Variants in NPAS3 observed in about 807,000 individuals in gnomAD.
The protein encoded by NPAS3 is neuronal PAS domain protein 3.
NPAS3 carries 14 observed loss-of-function variants against 73.1 expected under a neutral mutation model. That is an observed-to-expected ratio of 0.19 (90% confidence interval 0.13 to 0.30). NPAS3 has a LOEUF of 0.30. Ranked by LOEUF, NPAS3 falls within the 10% of genes least tolerant of loss-of-function variation. The pLI, the probability that NPAS3 is intolerant of heterozygous loss-of-function variation, is 1.00. For missense variants in NPAS3, 1,096 were observed against 1,250.0 expected (o/e 0.88, Z 1.86); for synonymous variants, 620 against 541.5 (o/e 1.14, Z -2.01).
At chr14:33,495,089 T>C (rs1347934480) in intron 4 of NPAS3, among the ~76,000 whole-genome samples, 2 of 152,158 alleles carry the variant, frequency 1.3e-5, no homozygotes, top group African/African-American at 4.8e-5. Flanking sequence ...TTTAGATCTT[T>C]CCTGCTTTGT....
chr14:33,525,935 A>G (rs561772743), intron 4 of NPAS3, among the ~76,000 whole-genome samples: 2 of 152,298 alleles, frequency 1.3e-5, no homozygotes, highest in South Asian at 4.1e-4. Context: ...AACCATGACA[A>G]AAATAAATGA....
chr14:33,196,658 A>G (rs1350423357), intron 2 of NPAS3, among the ~76,000 whole-genome samples: 4 of 152,214 alleles, frequency 2.6e-5, no homozygotes, highest in Non-Finnish European at 5.9e-5. Context: ...ACATAGAATA[A>G]AGAGACATTA....
rs186058721 is a variant in NPAS3, at chr14:33,566,308, C to T, written c.558+6098C>T. ...GACAGAGATAATCTCAGCAATCCCACGGGTGACCTTATCGTTCTCACCAGG... is the reference window on the plus strand; with the variant it reads ...GACAGAGATAATCTCAGCAATCCCATGGGTGACCTTATCGTTCTCACCAGG... On this transcript the variant is annotated intron_variant, in intron 5 of 11. Coordinates refer to ENST00000356141, the Ensembl canonical transcript of NPAS3. 1.3e-4 allele frequency among the ~76,000 whole-genome samples: 20 copies of T among 152,028 alleles called. 1 individual carries two copies. The East Asian group carries it at 2.9e-3, about 22-fold the overall frequency.
Position 33,127,488 on chromosome 14 carries a change from G to A in NPAS3, c.140+71494G>A, listed in dbSNP as rs532995481. 4.6e-5 allele frequency among the ~76,000 whole-genome samples: 7 copies of A among 152,238 alleles called. No homozygotes were observed. The South Asian group carries it at 1.2e-3, about 27-fold the overall frequency. ...CCAACTTGGCCACGCTGTGTCTCTT[G>A]TGTTAGTTTGGGCTGTGTCTCTACT... On this transcript the variant is annotated intron_variant, in intron 2 of 11. Coordinates refer to ENST00000356141, the Ensembl canonical transcript of NPAS3.
rs10567527 is a variant in NPAS3, at chr14:33,789,583, C to CTT, written c.1154-4292_1154-4291dup. On this transcript the variant is annotated intron_variant, in intron 9 of 11. Coordinates refer to ENST00000356141, the Ensembl canonical transcript of NPAS3. ...ACTAAAAGTAATTACTAGAGTACAA[C>CTT]TTTTTTTTTTTTTTTTTTTTTTTGA... Among the ~76,000 whole-genome samples, 500 of 92,376 alleles carry CTT rather than the reference C, an allele frequency of 5.4e-3. 7 individuals carry two copies. The highest frequency in any genetic ancestry group is 8.0e-3 in the East Asian group (21 of 2,632). The allele number at this position is 92,376 out of a possible 152,430, so 60.6% of individuals were successfully genotyped here.
chr14:33,778,478 T>C, exon 9 of NPAS3: 1 of 1,610,222 alleles, frequency 6.2e-7, no homozygotes, highest in Non-Finnish European at 8.5e-7. Context: ...TTAGTGATTA[T>C]ATGGATCTGA....
chr14:33,546,847 G>C (rs1432577180), intron 4 of NPAS3, among the ~76,000 whole-genome samples: 1 of 152,200 alleles, frequency 6.6e-6, no homozygotes, highest in Non-Finnish European at 1.5e-5. Flanking sequence ...TGAAATTAAG[G>C]ATGTTGATAA....
At chr14:33,674,812 T>C (rs2059712958) in intron 5 of NPAS3, among the ~76,000 whole-genome samples, 1 of 152,188 alleles carries the variant, frequency 6.6e-6, no homozygotes, top group South Asian at 2.1e-4. Context: ...CTATGTTAAC[T>C]GATAGATGTG....
intron 2 of NPAS3, among the ~76,000 whole-genome samples, chr14:33,060,897 T>C (rs1264007750): frequency 6.6e-6 from 1 of 152,230 alleles, no homozygotes; most frequent in Admixed American, 6.5e-5. Flanking sequence ...GAAAGTTTCT[T>C]TCTTCCTGAA....
intron 5 of NPAS3, among the ~76,000 whole-genome samples, chr14:33,633,509 A>G (rs1486620895): frequency 2.6e-5 from 4 of 152,210 alleles, no homozygotes; most frequent in Admixed American, 6.5e-5. Flanking sequence ...ATAGCCTACT[A>G]CACACCTAGC....
At chr14:33,200,295 G>C (rs1451527240) in intron 2 of NPAS3, among the ~76,000 whole-genome samples, 1 of 151,834 alleles carries the variant, frequency 6.6e-6, no homozygotes, top group Non-Finnish European at 1.5e-5. Context: ...TTTACTAATA[G>C]ACTAAGCCCC....
intron 1 of NPAS3, among the ~76,000 whole-genome samples, chr14:33,037,753 T>C (rs1290024671): frequency 1.3e-5 from 2 of 152,236 alleles, no homozygotes; most frequent in Non-Finnish European, 2.9e-5. Flanking sequence ...ATTGATGCTT[T>C]AGATCATTTG....
At chr14:33,009,358 C>T (rs2139631043) in intron 1 of NPAS3, among the ~76,000 whole-genome samples, 1 of 152,188 alleles carries the variant, frequency 6.6e-6, no homozygotes, top group East Asian at 1.9e-4. Flanking sequence ...GGGTCAGCTT[C>T]TTGAGAGAAT....
At chr14:33,552,911 A>G (rs535913249) in intron 4 of NPAS3, among the ~76,000 whole-genome samples, 16 of 152,346 alleles carry the variant, frequency 1.1e-4, no homozygotes, top group Non-Finnish European at 2.1e-4. Context: ...TCTACCGTTC[A>G]GTAATTTAAC....
At chr14:33,179,259 T>G (rs1397598212) in intron 2 of NPAS3, among the ~76,000 whole-genome samples, 1 of 152,198 alleles carries the variant, frequency 6.6e-6, no homozygotes, top group Non-Finnish European at 1.5e-5. Flanking sequence ...TTTGGATGCC[T>G]CCTTTGGCAA....
At chr14:33,375,479 G>A (rs888456787) in intron 4 of NPAS3, among the ~76,000 whole-genome samples, 11 of 152,072 alleles carry the variant, frequency 7.2e-5, no homozygotes, top group South Asian at 2.1e-4. Flanking sequence ...TGTGTTGCAC[G>A]GCTTTTAAGT....
intron 4 of NPAS3, among the ~76,000 whole-genome samples, chr14:33,386,828 G>A (rs949947152): frequency 6.6e-6 from 1 of 152,094 alleles, no homozygotes; most frequent in Non-Finnish European, 1.5e-5. Flanking sequence ...AATCAGGTGG[G>A]CGTCTTCATG....
rs115685582 is a variant in NPAS3, at chr14:33,467,571, T to C, written c.469-92550T>C. ...GAAAAGAGAAACATGAACGCATCTG[T>C]TTCCAGAATGTAGCTGCTTTGTATT... is the stretch of plus-strand genomic sequence containing the variant. On this transcript the variant is annotated intron_variant, in intron 4 of 11. Coordinates refer to ENST00000356141, the Ensembl canonical transcript of NPAS3. Among the ~76,000 whole-genome samples, 388 of 152,280 alleles carry C rather than the reference T, an allele frequency of 2.5e-3. 2 individuals carry two copies. Among genetic ancestry groups the C allele is most frequent in the African/African-American group, 9.0e-3 (374 of 41,562 alleles).
chr14:33,207,255 ACACACACACACG>A (rs756551323), intron 2 of NPAS3, among the ~76,000 whole-genome samples: 5,356 of 23,678 alleles, frequency 0.23, 153 homozygotes, highest in South Asian at 0.42. Flanking sequence ...ACACACACAC[ACACACACACACG>A]CACACACACA....
Sources: allele counts gnomAD v4.1 joint callset (sites outside exome capture counted in the v4.1 genomes callset), GRCh38; gene constraint gnomAD v4.1.1; transcripts MANE v1.5; gene names NCBI Gene and HGNC (gene_info 2026-07-23, HGNC 2026-07-21).